The following SOX5 variants were observed in gnomAD, a reference collection of about 807,000 sequenced individuals.
The protein encoded by SOX5 is SRY-box transcription factor 5.
Under a neutral mutation model 92.0 loss-of-function variants are expected in SOX5, and 9 were observed. That is an observed-to-expected ratio of 0.10 (90% confidence interval 0.06 to 0.17). The LOEUF is 0.17. SOX5 is among the 10% of genes least tolerant of loss of function. The pLI, the probability that SOX5 is intolerant of heterozygous loss-of-function variation, is 1.00. For missense variants in SOX5, 642 were observed against 944.5 expected (o/e 0.68, Z 4.20); for synonymous variants, 344 against 336.3 (o/e 1.02, Z -0.25).
chr12:24,390,517 TG>T (rs1451884301), intron 1 of SOX5, among the ~76,000 whole-genome samples: 1 of 152,174 alleles, frequency 6.6e-6, no homozygotes, highest in African/African-American at 2.4e-5. Flanking sequence ...GGGATTTTAG[TG>T]TACCCATTGC....
intron 4 of SOX5, among the ~76,000 whole-genome samples, chr12:24,105,476 G>T (rs1453685648): frequency 6.6e-6 from 1 of 152,050 alleles, no homozygotes; most frequent in African/African-American, 2.4e-5. Flanking sequence ...GGTGGGTGGA[G>T]GTTGCAGTGA....
intron 1 of SOX5, among the ~76,000 whole-genome samples, chr12:24,374,239 G>T (rs1018596605): frequency 9.2e-5 from 14 of 152,080 alleles, no homozygotes; most frequent in African/African-American, 2.2e-4. Context: ...CCGCAGCCCT[G>T]TGGGCTGACA....
At chr12:23,632,976 T>C (rs1385822091) in intron 8 of SOX5, among the ~76,000 whole-genome samples, 1 of 152,132 alleles carries the variant, frequency 6.6e-6, no homozygotes, top group Non-Finnish European at 1.5e-5. Flanking sequence ...TTTAAAAGTT[T>C]AATTAAGTCA....
intron 1 of SOX5, among the ~76,000 whole-genome samples, chr12:24,473,142 TC>T (rs1403446668): frequency 1.3e-5 from 2 of 151,960 alleles, no homozygotes; most frequent in African/African-American, 4.8e-5. Flanking sequence ...TCTGAGGGAG[TC>T]CGTTTTAAAA....
At chr12:24,374,565 G>C (rs1041908488) in intron 1 of SOX5, among the ~76,000 whole-genome samples, 1 of 151,888 alleles carries the variant, frequency 6.6e-6, no homozygotes, top group Non-Finnish European at 1.5e-5. Flanking sequence ...GGAAGACTGA[G>C]GAAGCCCTGG....
chr12:24,180,134 T>C (rs903275764), intron 4 of SOX5, among the ~76,000 whole-genome samples: 3 of 152,036 alleles, frequency 2.0e-5, no homozygotes, highest in African/African-American at 7.2e-5. Flanking sequence ...ACTTTTAATG[T>C]TTTGTACAGA....
At chr12:24,305,246 A>G (rs1948436846) in intron 2 of SOX5, among the ~76,000 whole-genome samples, 1 of 152,258 alleles carries the variant, frequency 6.6e-6, no homozygotes, top group Non-Finnish European at 1.5e-5. Context: ...ATGTTTATCC[A>G]CAGTAAGCAC....
rs1263401030 is a variant in SOX5 at position 23,543,388 on chromosome 12, A to G, written c.1598-4T>C. On this transcript the variant is annotated splice_polypyrimidine_tract_variant and splice_region_variant and intron_variant, in intron 12 of 14. Transcript: ENST00000451604. ...GACTCTGAGACTCCAGCACTTCCTG[A>G]AAACAGGAAACATCACTTCGTGTTA... The G allele has an allele frequency of 1.9e-6, 3 of 1,611,446 alleles. No homozygotes were observed. Among genetic ancestry groups the G allele is most frequent in the Non-Finnish European group, 1.7e-6 (2 of 1,178,132 alleles).
chr12:24,475,994 A>T (rs111900233), intron 1 of SOX5, among the ~76,000 whole-genome samples: 12 of 63,294 alleles, frequency 1.9e-4, no homozygotes, highest in African/African-American at 5.5e-4. Context: ...AAATACATTT[A>T]AAAAAAAAAA....
chr12:23,955,029 C>T (rs1051650178), upstream of SOX5, among the ~76,000 whole-genome samples: 1 of 151,976 alleles, frequency 6.6e-6, no homozygotes, highest in Non-Finnish European at 1.5e-5. Context: ...CAACTAAATG[C>T]GATATGTAGA....
At chr12:23,897,971 G>C (rs2097194203) in intron 1 of SOX5, among the ~76,000 whole-genome samples, 1 of 152,182 alleles carries the variant, frequency 6.6e-6, no homozygotes, top group Non-Finnish European at 1.5e-5. Context: ...AGAAGCATGT[G>C]AGGAGCTGGA....
intron 9 of SOX5, among the ~76,000 whole-genome samples, chr12:23,599,672 T>TA (rs1488278232): frequency 1.3e-5 from 2 of 152,324 alleles, no homozygotes; most frequent in Admixed American, 1.3e-4. Context: ...GCAGAACACT[T>TA]ACAATGTGAA....
chr12:24,344,878 A>T lies in SOX5; in HGVS notation c.-174+23685T>A, dbSNP rs186731172. ...TGTACTCTTATCAGCAAATGGAACT[A>T]TCTGAGCCCCAGTTATAAAAAGGAA... On this transcript the variant is annotated intron_variant, in intron 2 of 4. Coordinates refer to the SOX5 transcript ENST00000446891. 4.3e-4 allele frequency among the ~76,000 whole-genome samples: 65 copies of T among 152,304 alleles called. 1 individual carries two copies. In the East Asian group the frequency reaches 9.3e-3, roughly 22 times the overall value.
intron 4 of SOX5, among the ~76,000 whole-genome samples, chr12:24,195,975 C>T (rs1051183529): frequency 6.6e-6 from 1 of 152,196 alleles, no homozygotes; most frequent in Non-Finnish European, 1.5e-5. Flanking sequence ...ACCTCTGCCT[C>T]CCAGGTTCAA....
chr12:24,182,209 T>C (rs781503864), intron 4 of SOX5, among the ~76,000 whole-genome samples: 7 of 152,184 alleles, frequency 4.6e-5, no homozygotes, highest in Non-Finnish European at 7.4e-5. Context: ...ACATTATTAG[T>C]AGGCCACAGC....
At chr12:24,544,582 T>C (rs1185602350) in intron 1 of SOX5, among the ~76,000 whole-genome samples, 2 of 152,210 alleles carry the variant, frequency 1.3e-5, no homozygotes, top group Non-Finnish European at 2.9e-5. Context: ...TAAGTCATTA[T>C]GACCCTGGCT....
At chr12:23,817,478 C>T (rs1184821967) in intron 3 of SOX5, among the ~76,000 whole-genome samples, 3 of 152,054 alleles carry the variant, frequency 2.0e-5, no homozygotes, top group Admixed American at 6.6e-5. Flanking sequence ...TGTGAATAAG[C>T]AGAAATGAAT....
At chr12:23,987,429 C>T (rs1950158046) in intron 4 of SOX5, among the ~76,000 whole-genome samples, 1 of 152,082 alleles carries the variant, frequency 6.6e-6, no homozygotes, top group Admixed American at 6.5e-5. Context: ...ATACAGAAGA[C>T]TTGTGGAGCT....
intron 3 of SOX5, among the ~76,000 whole-genome samples, chr12:23,822,059 C>CTGA (rs1380386325): frequency 1.3e-5 from 2 of 152,036 alleles, no homozygotes; most frequent in Non-Finnish European, 2.9e-5. Flanking sequence ...TTTTGTTAAT[C>CTGA]TTTTCAAAAA....
Sources: allele counts gnomAD v4.1 joint callset (sites outside exome capture counted in the v4.1 genomes callset), GRCh38; gene constraint gnomAD v4.1.1; transcripts MANE v1.5; gene names NCBI Gene and HGNC (gene_info 2026-07-23, HGNC 2026-07-21).